Variants in MAP2K5 observed in about 807,000 individuals in gnomAD.
MAP2K5 encodes the protein dual specificity mitogen-activated protein kinase kinase 5.
Under a neutral mutation model 83.1 loss-of-function variants are expected in MAP2K5, and 49 were observed. The ratio of observed to expected loss-of-function variants is 0.59; its 90% CI spans 0.47 to 0.75. The LOEUF (loss-of-function observed/expected upper bound fraction) is 0.75, where lower values mean the gene tolerates loss of function less well. MAP2K5 is among the 30% of genes least tolerant of loss of function. MAP2K5 has a pLI of 0.00. For synonymous variants in MAP2K5, 202 were observed against 191.8 expected, an observed-to-expected ratio of 1.05 and a Z score of -0.44; for missense variants, 457 against 557.5, an observed-to-expected ratio of 0.82 and a Z score of 1.82.
rs1555528732 is a variant in MAP2K5 at position 67,582,848 on chromosome 15, A to ACACG, written c.322+2028_322+2029insGCAC. 5.3e-3 allele frequency among the ~76,000 whole-genome samples: 802 copies of ACACG among 151,522 alleles called. 51 individuals are homozygous for ACACG. The highest frequency in any genetic ancestry group is 0.019 in the African/African-American group (768 of 41,016). On this transcript the variant is annotated intron_variant, in intron 4 of 21. Transcript: ENST00000178640. ...AACACACACACACACACACACACAC[A>ACACG]CACACACTTCCAATGTTGTGGGTCT...
intron 13 of MAP2K5, among the ~76,000 whole-genome samples, chr15:67,669,385 C>CA (rs1469289430): frequency 6.6e-6 from 1 of 151,870 alleles, no homozygotes; most frequent in East Asian, 1.9e-4. Flanking sequence ...TCAAAGAAAC[C>CA]TCATAGGGAA....
intron 8 of MAP2K5, among the ~76,000 whole-genome samples, chr15:67,604,781 G>T (rs2085742526): frequency 6.6e-6 from 1 of 151,884 alleles, no homozygotes; most frequent in Non-Finnish European, 1.5e-5. Context: ...TGTAGTCCCA[G>T]CTACTCGGGA....
At chr15:67,622,449 A>G (rs1187301019) in intron 8 of MAP2K5, among the ~76,000 whole-genome samples, 1 of 152,216 alleles carries the variant, frequency 6.6e-6, no homozygotes, top group Non-Finnish European at 1.5e-5. Flanking sequence ...TTCAGCAGTT[A>G]GAAATCTACC....
chr15:67,676,278 A>G lies in MAP2K5; in HGVS notation c.847+11633A>G, dbSNP rs748573464. On this transcript the variant is annotated intron_variant, in intron 13 of 21. Transcript: ENST00000178640. This position sits in a 1 kb window ranked among gnomAD's most constrained non-coding sequence, Gnocchi z 4.8. The stretch of plus-strand genomic sequence containing the variant: ...GTCATTTCTGTTGGTAGAGGAGTTT[A>G]TGGCATTGATTGTATGCCAGTGGAT... Among the ~76,000 whole-genome samples the G allele has an allele frequency of 6.6e-6, 1 of 152,194 alleles. No homozygotes were observed. Among genetic ancestry groups the G allele is most frequent in the Non-Finnish European group, 1.5e-5 (1 of 68,028 alleles).
intron 20 of MAP2K5, among the ~76,000 whole-genome samples, chr15:67,772,356 T>A (rs1293108408): frequency 1.3e-5 from 2 of 152,204 alleles, no homozygotes; most frequent in Non-Finnish European, 2.9e-5. Context: ...TTGAAATAAA[T>A]TGATAATTGA....
intron 8 of MAP2K5, among the ~76,000 whole-genome samples, chr15:67,621,434 G>GAA (rs11449678): frequency 2.2e-3 from 258 of 118,812 alleles, no homozygotes; most frequent in East Asian, 7.2e-3. Context: ...ACAAAAGTTT[G>GAA]AAAAAAAAAA....
chr15:67,705,867 T>G (rs1400463377), intron 16 of MAP2K5, among the ~76,000 whole-genome samples: 1 of 152,090 alleles, frequency 6.6e-6, no homozygotes, highest in Non-Finnish European at 1.5e-5. Context: ...TAGAGTACAC[T>G]CTCAGCGTAT....
intron 9 of MAP2K5, among the ~76,000 whole-genome samples, chr15:67,634,131 G>C (rs2086536186): frequency 6.6e-6 from 1 of 151,866 alleles, no homozygotes; most frequent in Non-Finnish European, 1.5e-5. Context: ...GGCTGAGGTA[G>C]GTGGATGACT....
chr15:67,611,592 T>C (rs1364017844), intron 8 of MAP2K5, among the ~76,000 whole-genome samples: 1 of 152,156 alleles, frequency 6.6e-6, no homozygotes. Flanking sequence ...TGGCCCCAGC[T>C]GTGTGGGAAT....
intron 16 of MAP2K5, among the ~76,000 whole-genome samples, chr15:67,704,466 AC>A (rs1389471729): frequency 1.3e-5 from 2 of 152,106 alleles, no homozygotes; most frequent in African/African-American, 4.8e-5. Flanking sequence ...TGATTTTGTA[AC>A]CTTTTTTTTT....
intron 2 of MAP2K5, among the ~76,000 whole-genome samples, chr15:67,550,388 C>T (rs1465002276): frequency 4.6e-5 from 7 of 152,260 alleles, no homozygotes; most frequent in African/African-American, 1.7e-4. Context: ...TGTAAACTAC[C>T]TGTAGGCCAG....
At chr15:67,667,500 C>G (rs1011657709) in intron 13 of MAP2K5, among the ~76,000 whole-genome samples, 1 of 151,958 alleles carries the variant, frequency 6.6e-6, no homozygotes, top group Admixed American at 6.6e-5. Context: ...GCTGGGGGAG[C>G]CTGGTTTAGG....
chr15:67,596,288 G>A (rs895557835), intron 7 of MAP2K5, among the ~76,000 whole-genome samples: 2 of 152,026 alleles, frequency 1.3e-5, no homozygotes, highest in South Asian at 2.1e-4. Context: ...TGGGTGTGGC[G>A]GCCCATGCCC....
At chr15:67,645,133 C>G (rs890532619) in intron 9 of MAP2K5, among the ~76,000 whole-genome samples, 2 of 152,188 alleles carry the variant, frequency 1.3e-5, no homozygotes, top group African/African-American at 4.8e-5. Flanking sequence ...GATCATGCCA[C>G]TGCACTCCAG....
At chr15:67,732,752 T>A (rs529553243) in intron 17 of MAP2K5, among the ~76,000 whole-genome samples, 22 of 152,228 alleles carry the variant, frequency 1.4e-4, no homozygotes, top group Admixed American at 6.5e-4. Context: ...GCTCCAGACA[T>A]TTCACCTGGA....
chr15:67,594,099 T>C (rs1229379511), intron 7 of MAP2K5, among the ~76,000 whole-genome samples: 1 of 152,328 alleles, frequency 6.6e-6, no homozygotes, highest in East Asian at 1.9e-4. Context: ...GACATCTGAT[T>C]GCCATCCAGA....
At chr15:67,664,524 G>T in intron 12 of MAP2K5, 73 bp from the exon 13 acceptor site, 5 of 929,416 alleles carry the variant, frequency 5.4e-6, no homozygotes, top group Non-Finnish European at 8.5e-6. Context: ...AATGTTGAAT[G>T]TATTTAAATA....
chr15:67,625,155 T>C (rs1479317573), intron 8 of MAP2K5, among the ~76,000 whole-genome samples: 1 of 152,206 alleles, frequency 6.6e-6, no homozygotes, highest in East Asian at 1.9e-4. Flanking sequence ...ACCAACTTCT[T>C]TGTCTGGTCA....
Position 67,677,001 on chromosome 15 carries a change from C to G in MAP2K5, c.847+12356C>G, listed in dbSNP as rs1467883523. ...ATTATTATGTCAAATAATTATTTCT[C>G]AAGAAAAGAAGCAAGAGGTTAAATG... On this transcript the variant is annotated intron_variant, in intron 13 of 21. Coordinates refer to ENST00000178640, the MANE Select transcript of MAP2K5 (RefSeq NM_145160.3). The surrounding 1 kb of genome is among the most constrained non-coding windows in gnomAD (Gnocchi z 4.2). Among the ~76,000 whole-genome samples, 1 of 152,162 alleles carries G rather than the reference C, an allele frequency of 6.6e-6. No individual in the cohort carries two copies. Among genetic ancestry groups the G allele is most frequent in the East Asian group, 1.9e-4 (1 of 5,200 alleles).
Sources: allele counts gnomAD v4.1 joint callset (sites outside exome capture counted in the v4.1 genomes callset), GRCh38; gene constraint gnomAD v4.1.1; non-coding constraint Gnocchi (gnomAD v3.1); transcripts MANE v1.5; gene names NCBI Gene and HGNC (gene_info 2026-07-23, HGNC 2026-07-21).